The following SRGAP3 variants were observed in gnomAD, a reference collection of about 807,000 sequenced individuals.
The protein encoded by SRGAP3 is SLIT-ROBO Rho GTPase activating protein 3, also known as SLIT-ROBO Rho GTPase-activating protein 3.
A neutral mutation model predicts 121.1 loss-of-function variants in SRGAP3; 39 were observed. The ratio of observed to expected loss-of-function variants is 0.32; its 90% CI spans 0.25 to 0.42. The LOEUF (loss-of-function observed/expected upper bound fraction) is 0.42, where lower values mean the gene tolerates loss of function less well. Ranked by LOEUF, SRGAP3 falls within the 10% of genes least tolerant of loss-of-function variation. The probability of loss-of-function intolerance (pLI) is 1.00; values close to 1 mark genes in which losing one functional copy is unlikely to be tolerated. For missense variants in SRGAP3, 1,213 were observed against 1,470.6 expected (o/e 0.82, Z 2.86); for synonymous variants, 601 against 570.0 (o/e 1.05, Z -0.77).
At chr3:9,020,284 TC>T (rs1323942146) in intron 14 of SRGAP3, among the ~76,000 whole-genome samples, 2 of 152,130 alleles carry the variant, frequency 1.3e-5, no homozygotes, top group Non-Finnish European at 2.9e-5. Context: ...CTTCCTTCCT[TC>T]CTTTCATCCT....
chr3:9,013,922 A>G (rs770747671), intron 15 of SRGAP3, 80 bp from the exon 16 acceptor site: 235 of 1,331,296 alleles, frequency 1.8e-4, no homozygotes, highest in Non-Finnish European at 2.0e-4. Flanking sequence ...CACATCTCCT[A>G]TATCAACCCA....
At chr3:9,009,171 C>T (rs1210080669) in intron 18 of SRGAP3, among the ~76,000 whole-genome samples, 2 of 152,162 alleles carry the variant, frequency 1.3e-5, no homozygotes, top group Non-Finnish European at 1.5e-5. Context: ...TGAAATAGTC[C>T]TACTAGAATG....
intron 1 of SRGAP3, among the ~76,000 whole-genome samples, chr3:9,215,121 C>A (rs1246682968): frequency 6.6e-6 from 1 of 152,158 alleles, no homozygotes; most frequent in East Asian, 1.9e-4. Context: ...CAAAAATGAA[C>A]TGTATTTCAA....
upstream of SRGAP3, among the ~76,000 whole-genome samples, chr3:9,252,804 G>A (rs902071728): frequency 2.6e-5 from 4 of 151,952 alleles, no homozygotes; most frequent in Non-Finnish European, 4.4e-5. Context: ...TATTCCCAAT[G>A]TTTACCCTTC....
chr3:9,167,017 A>T (rs1012898518), intron 1 of SRGAP3, among the ~76,000 whole-genome samples: 1 of 152,042 alleles, frequency 6.6e-6, no homozygotes, highest in Non-Finnish European at 1.5e-5. Flanking sequence ...TACCTGACTC[A>T]ACTATCCCTG....
chr3:9,284,664 T>C (rs1328456058), intron 3 of SRGAP3, among the ~76,000 whole-genome samples: 1 of 151,956 alleles, frequency 6.6e-6, no homozygotes, highest in Non-Finnish European at 1.5e-5. Context: ...ATCCCATCAC[T>C]ACAAAAAATA....
chr3:9,051,080 G>A (rs993465934), intron 9 of SRGAP3, among the ~76,000 whole-genome samples: 23 of 137,002 alleles, frequency 1.7e-4, no homozygotes, highest in Admixed American at 8.8e-4. Context: ...AGCCTGGAGT[G>A]CAGTGGTACA....
rs566779070 is a variant in SRGAP3 at position 9,118,600 on chromosome 3, C to A, written c.260+6125G>T. ...GCACAGCCCAAAAGTGAGTTGAAAACCATTTATTCCCCAGAAAAACATCAG... is the reference window on the plus strand; with the variant it reads ...GCACAGCCCAAAAGTGAGTTGAAAAACATTTATTCCCCAGAAAAACATCAG... On this transcript the variant is annotated intron_variant, in intron 2 of 21. Coordinates refer to ENST00000383836, the MANE Select transcript of SRGAP3 (RefSeq NM_014850.4). Among the ~76,000 whole-genome samples the A allele has an allele frequency of 7.2e-5, 11 of 152,276 alleles. No individual in the cohort carries two copies. The South Asian group carries it at 2.3e-3, about 32-fold the overall frequency.
chr3:9,319,678 C>A (rs1475716737), intron 3 of SRGAP3, among the ~76,000 whole-genome samples: 2 of 151,844 alleles, frequency 1.3e-5, no homozygotes, highest in African/African-American at 2.4e-5. Context: ...CTGAATCCCT[C>A]AAATTCTCAC....
chr3:9,112,566 G>C (rs988140239), intron 2 of SRGAP3, among the ~76,000 whole-genome samples: 1 of 152,204 alleles, frequency 6.6e-6, no homozygotes, highest in Non-Finnish European at 1.5e-5. Context: ...GGGAAGAAGG[G>C]CTCTGAAGGA....
At chr3:9,312,022 T>C (rs189653936) in intron 3 of SRGAP3, among the ~76,000 whole-genome samples, 168 of 152,368 alleles carry the variant, frequency 1.1e-3, no homozygotes, top group Non-Finnish European at 1.5e-3. Flanking sequence ...GCAAATGTTA[T>C]AATTTTTATA....
intron 1 of SRGAP3, among the ~76,000 whole-genome samples, chr3:9,332,273 C>T (rs1180705565): frequency 1.3e-5 from 2 of 152,188 alleles, no homozygotes; most frequent in African/African-American, 2.4e-5. Context: ...GTGTGCACCA[C>T]CACACCCAAC....
At chr3:9,188,943 C>T (rs887040376) in intron 1 of SRGAP3, among the ~76,000 whole-genome samples, 1 of 152,174 alleles carries the variant, frequency 6.6e-6, no homozygotes, top group Non-Finnish European at 1.5e-5. Context: ...GGGTGGTATT[C>T]CTAAGCAGAG....
At chr3:9,009,380 G>A (rs532247688) in intron 18 of SRGAP3, among the ~76,000 whole-genome samples, 7 of 152,088 alleles carry the variant, frequency 4.6e-5, no homozygotes, top group African/African-American at 9.7e-5. Context: ...ATCCTGGGCC[G>A]TATTCTAACT....
chr3:9,213,526 G>C (rs2125182806), intron 1 of SRGAP3, among the ~76,000 whole-genome samples: 1 of 152,272 alleles, frequency 6.6e-6, no homozygotes, highest in East Asian at 1.9e-4. Flanking sequence ...GCTGTTTCTG[G>C]TGTGCAGGCA....
chr3:9,130,346 TC>T (rs1314523620), intron 1 of SRGAP3, among the ~76,000 whole-genome samples: 1 of 152,116 alleles, frequency 6.6e-6, no homozygotes. Flanking sequence ...ACTACACAGG[TC>T]CCCTCTTAGA....
chr3:9,065,957 T>C (rs1946411263), intron 4 of SRGAP3, among the ~76,000 whole-genome samples: 1 of 152,130 alleles, frequency 6.6e-6, no homozygotes, highest in Non-Finnish European at 1.5e-5. Flanking sequence ...TCATCCTAGA[T>C]TGTCTGTATC....
chr3:8,986,084 G>T, intron 21 of SRGAP3, 152 bp from the exon 22 acceptor site: 1 of 1,461,166 alleles, frequency 6.8e-7, no homozygotes, highest in Non-Finnish European at 9.2e-7. Flanking sequence ...ATAACCACAT[G>T]GGAGAACCAA....
At chr3:9,334,149 G>T (rs1955652691) in intron 1 of SRGAP3, among the ~76,000 whole-genome samples, 2 of 151,890 alleles carry the variant, frequency 1.3e-5, no homozygotes, top group South Asian at 4.1e-4. Flanking sequence ...TGTGAATGTT[G>T]ATTTATTTTG....
Sources: allele counts gnomAD v4.1 joint callset (sites outside exome capture counted in the v4.1 genomes callset), GRCh38; gene constraint gnomAD v4.1.1; transcripts MANE v1.5; gene names NCBI Gene and HGNC (gene_info 2026-07-23, HGNC 2026-07-21).